THSD7A: variants seen among roughly 807,000 people sequenced by gnomAD.
The protein encoded by THSD7A is thrombospondin type 1 domain containing 7A.
THSD7A carries 96 observed loss-of-function variants against 231.3 expected under a neutral mutation model. The ratio of observed to expected loss-of-function variants is 0.41; its 90% CI spans 0.35 to 0.49. THSD7A has a LOEUF of 0.49. Ranked by LOEUF, THSD7A falls within the 20% of genes least tolerant of loss-of-function variation. THSD7A has a pLI of 0.05. For missense variants in THSD7A, 2,290 were observed against 2,070.2 expected, an observed-to-expected ratio of 1.11 and a Z score of -2.06; for synonymous variants, 940 against 743.3, an observed-to-expected ratio of 1.26 and a Z score of -4.30.
chr7:11,746,522 G>T lies in THSD7A; in HGVS notation c.190+85235C>A, dbSNP rs79354990. ...TTTTCATGACCTCGACATGTTTTGA[G>T]GAGTACTGGTCACATATTTCATAGA... On this transcript the variant is annotated intron_variant, in intron 1 of 27. Coordinates refer to ENST00000423059, the MANE Select transcript of THSD7A (RefSeq NM_015204.3). Among the ~76,000 whole-genome samples the T allele has an allele frequency of 4.7e-3, 718 of 151,912 alleles. 11 individuals carry two copies. Among genetic ancestry groups the T allele is most frequent in the East Asian group, 0.03 (156 of 5,130 alleles).
Position 11,657,751 on chromosome 7 carries a change from A to G in THSD7A, c.191-20790T>C, listed in dbSNP as rs527873886. On this transcript the variant is annotated intron_variant, in intron 1 of 27. Coordinates refer to ENST00000423059, the MANE Select transcript of THSD7A (RefSeq NM_015204.3). ...CTTTTGTAGTTCCCACTATAGTGCT[A>G]GACTGACAGTAAATATAGTTATGAA... Among the ~76,000 whole-genome samples the G allele has an allele frequency of 2.0e-4, 30 of 151,940 alleles. No homozygotes were observed. In the South Asian group the frequency reaches 3.1e-3, roughly 16 times the overall value.
At chr7:11,622,387 T>G (rs981548960) in intron 2 of THSD7A, among the ~76,000 whole-genome samples, 6 of 152,126 alleles carry the variant, frequency 3.9e-5, no homozygotes, top group African/African-American at 1.4e-4. Context: ...CATGTTTTCC[T>G]CAGCCATTAT....
At chr7:11,749,598 T>C (rs1782432671) in intron 1 of THSD7A, among the ~76,000 whole-genome samples, 1 of 152,038 alleles carries the variant, frequency 6.6e-6, no homozygotes, top group Non-Finnish European at 1.5e-5. Context: ...ATAATTACTG[T>C]GACCATTCTT....
At chr7:11,746,079 A>G (rs941020300) in intron 1 of THSD7A, among the ~76,000 whole-genome samples, 38 of 152,068 alleles carry the variant, frequency 2.5e-4, no homozygotes, top group African/African-American at 8.7e-4. Context: ...ACCCATGAGC[A>G]TGGAATGTTC....
chr7:11,477,343 T>G (rs1207398587), intron 7 of THSD7A, among the ~76,000 whole-genome samples: 1 of 152,178 alleles, frequency 6.6e-6, no homozygotes, highest in Non-Finnish European at 1.5e-5. Flanking sequence ...ATATGCATCT[T>G]TGATAGAGTT....
intron 1 of THSD7A, among the ~76,000 whole-genome samples, chr7:11,713,490 G>C (rs1407371475): frequency 1.3e-5 from 2 of 151,124 alleles, no homozygotes; most frequent in Admixed American, 6.6e-5. Context: ...CTGTCGTCTT[G>C]CCCTTTCAGC....
intron 1 of THSD7A, among the ~76,000 whole-genome samples, chr7:11,672,622 A>T (rs1249185405): frequency 6.6e-6 from 1 of 152,090 alleles, no homozygotes; most frequent in Non-Finnish European, 1.5e-5. Context: ...TGTTACTTTT[A>T]ACTTTTGCCT....
chr7:11,544,633 C>CT (rs1232455184), intron 4 of THSD7A, among the ~76,000 whole-genome samples: 1 of 152,176 alleles, frequency 6.6e-6, no homozygotes, highest in East Asian at 1.9e-4. Flanking sequence ...ATTGTAAGCA[C>CT]TTTTACATCC....
intron 6 of THSD7A, among the ~76,000 whole-genome samples, chr7:11,485,777 G>T (rs1786631687): frequency 6.6e-6 from 1 of 152,166 alleles, no homozygotes; most frequent in Admixed American, 6.5e-5. Flanking sequence ...CTCTCAAGTT[G>T]TTTGTCAACA....
At chr7:11,622,610 T>C (rs1231418237) in intron 2 of THSD7A, among the ~76,000 whole-genome samples, 1 of 152,154 alleles carries the variant, frequency 6.6e-6, no homozygotes, top group Non-Finnish European at 1.5e-5. Flanking sequence ...ACTTAGTTTC[T>C]AAGCTCCCGG....
At chr7:11,424,968 AAT>A in intron 15 of THSD7A, 139 bp from the exon 16 acceptor site, 1 of 1,064,446 alleles carries the variant, frequency 9.4e-7, no homozygotes, top group Non-Finnish European at 1.4e-6. Flanking sequence ...CTAACATTGC[AAT>A]AGAGAGAACT....
chr7:11,773,501 C>A (rs2128172340), intron 1 of THSD7A, among the ~76,000 whole-genome samples: 1 of 152,050 alleles, frequency 6.6e-6, no homozygotes, highest in African/African-American at 2.4e-5. Flanking sequence ...TTGCAAACTC[C>A]AGCCTGAGCA....
intron 4 of THSD7A, among the ~76,000 whole-genome samples, chr7:11,543,996 A>G (rs1261849244): frequency 2.0e-5 from 3 of 152,112 alleles, no homozygotes; most frequent in African/African-American, 7.2e-5. Context: ...ATCTATCTAT[A>G]TAATATCTGT....
At chr7:11,802,596 A>G (rs1158003098) in intron 1 of THSD7A, among the ~76,000 whole-genome samples, 4 of 152,148 alleles carry the variant, frequency 2.6e-5, no homozygotes, top group African/African-American at 9.7e-5. Flanking sequence ...GCCAGAAAAT[A>G]AGTTATATAT....
intron 4 of THSD7A, among the ~76,000 whole-genome samples, chr7:11,559,862 T>C (rs988672796): frequency 2.6e-5 from 4 of 152,184 alleles, no homozygotes; most frequent in African/African-American, 9.7e-5. Context: ...TAAGTTGTTT[T>C]GATCAAAATG....
intron 6 of THSD7A, among the ~76,000 whole-genome samples, chr7:11,517,360 G>A (rs1272462855): frequency 6.6e-6 from 1 of 151,896 alleles, no homozygotes; most frequent in African/African-American, 2.4e-5. Context: ...TTACAGGCGT[G>A]AGCCACCATG....
chr7:11,744,846 T>G (rs1451753916), intron 1 of THSD7A, among the ~76,000 whole-genome samples: 2 of 152,126 alleles, frequency 1.3e-5, no homozygotes, highest in Non-Finnish European at 2.9e-5. Context: ...TATCATTTTT[T>G]GGACATTTGG....
intron 8 of THSD7A, among the ~76,000 whole-genome samples, chr7:11,472,894 T>C (rs779916853): frequency 1.3e-5 from 2 of 152,168 alleles, no homozygotes; most frequent in Non-Finnish European, 2.9e-5. Flanking sequence ...GCGTAGTGAA[T>C]ATTTCTACCT....
intron 2 of THSD7A, among the ~76,000 whole-genome samples, chr7:11,622,807 T>C (rs911299300): frequency 6.6e-6 from 1 of 152,188 alleles, no homozygotes; most frequent in Non-Finnish European, 1.5e-5. Flanking sequence ...TTATATGAAT[T>C]ATTTTTTTAA....
Sources: gnomAD v4.1 joint callset for allele counts (sites outside exome capture counted in the v4.1 genomes callset) on GRCh38, gnomAD v4.1.1 for gene constraint, MANE v1.5 for transcripts, NCBI Gene and HGNC (gene_info 2026-07-23, HGNC 2026-07-21) for gene names.